Variants in FHIT observed in about 807,000 individuals in gnomAD.
FHIT encodes the protein fragile histidine triad diadenosine triphosphatase, also known as bis(5'-adenosyl)-triphosphatase.
Under a neutral mutation model 17.9 loss-of-function variants are expected in FHIT, and 19 were observed. The observed-to-expected ratio is 1.06, with a 90% CI of 0.74 to 1.56. FHIT has a LOEUF of 1.56. Ranked by LOEUF, FHIT falls within the 40% of genes most tolerant of loss-of-function variation. The pLI is 0.00. For synonymous variants in FHIT, 81 were observed against 69.7 expected, an observed-to-expected ratio of 1.16 and a Z score of -0.81; for missense variants, 248 against 189.2, an observed-to-expected ratio of 1.31 and a Z score of -1.82.
intron 4 of FHIT, among the ~76,000 whole-genome samples, chr3:60,667,181 C>T (rs956219046): frequency 6.6e-6 from 1 of 151,640 alleles, no homozygotes; most frequent in African/African-American, 2.4e-5. Context: ...GTCAGCTAAT[C>T]AAATACTCTT....
chr3:60,414,466 G>A (rs1292905664), intron 5 of FHIT, among the ~76,000 whole-genome samples: 1 of 152,204 alleles, frequency 6.6e-6, no homozygotes, highest in Non-Finnish European at 1.5e-5. Flanking sequence ...AGGACTTGGA[G>A]TGAGTCTAAT....
chr3:60,987,633 T>C (rs1026656409), intron 3 of FHIT, among the ~76,000 whole-genome samples: 1 of 152,212 alleles, frequency 6.6e-6, no homozygotes, highest in Non-Finnish European at 1.5e-5. Context: ...CACACCTCTA[T>C]ATTTCTGTGT....
chr3:60,586,795 A>T (rs530130248), intron 4 of FHIT, among the ~76,000 whole-genome samples: 8 of 152,108 alleles, frequency 5.3e-5, no homozygotes, highest in African/African-American at 1.9e-4. Context: ...TAAATGATGA[A>T]AACTCATGGA....
intron 2 of FHIT, among the ~76,000 whole-genome samples, chr3:61,045,223 C>G (rs746353592): frequency 3.9e-5 from 6 of 152,142 alleles, no homozygotes; most frequent in Non-Finnish European, 8.8e-5. Context: ...TCAGTGTGCT[C>G]TATTCAGGAG....
chr3:60,995,420 A>C (rs1207220622), intron 3 of FHIT, among the ~76,000 whole-genome samples: 1 of 152,170 alleles, frequency 6.6e-6, no homozygotes, highest in East Asian at 1.9e-4. Flanking sequence ...GTTAACGGGG[A>C]TCTCAGATGA....
At chr3:60,876,578 A>G (rs1387295059) in intron 3 of FHIT, among the ~76,000 whole-genome samples, 1 of 152,226 alleles carries the variant, frequency 6.6e-6, no homozygotes, top group Non-Finnish European at 1.5e-5. Context: ...AAGTTATTTT[A>G]AAATATTGAT....
intron 7 of FHIT, among the ~76,000 whole-genome samples, chr3:59,951,426 T>C (rs1707110868): frequency 6.6e-6 from 1 of 152,178 alleles, no homozygotes; most frequent in African/African-American, 2.4e-5. Flanking sequence ...AAAAAATAAG[T>C]TGGAGGTAAA....
chr3:60,924,674 G>T lies in FHIT; in HGVS notation c.-110-102663C>A, dbSNP rs562541973. On this transcript the variant is annotated intron_variant, in intron 3 of 9. Transcript: ENST00000492590. ...GCCTCTCCTCCTCGAAAGGAACGCA[G>T]CTCCTCACAAGCAACGGAACAAAGC... Among the ~76,000 whole-genome samples the T allele has an allele frequency of 5.3e-5, 8 of 152,338 alleles. No individual in the cohort carries two copies. In the South Asian group the frequency reaches 1.4e-3, roughly 28 times the overall value.
At chr3:61,163,992 G>A (rs2037766908) in intron 2 of FHIT, among the ~76,000 whole-genome samples, 2 of 152,158 alleles carry the variant, frequency 1.3e-5, no homozygotes, top group Admixed American at 1.3e-4. Context: ...CCATGGATCA[G>A]TGAACAAATT....
At chr3:60,139,922 G>T (rs772399529) in intron 5 of FHIT, among the ~76,000 whole-genome samples, 1 of 151,890 alleles carries the variant, frequency 6.6e-6, no homozygotes, top group Non-Finnish European at 1.5e-5. Context: ...AGGAGTTCAC[G>T]ACCAGCCTGG....
At chr3:60,333,100 A>T (rs1301430554) in intron 5 of FHIT, among the ~76,000 whole-genome samples, 1 of 152,212 alleles carries the variant, frequency 6.6e-6, no homozygotes, top group Non-Finnish European at 1.5e-5. Context: ...TTTACCAGCC[A>T]CGTGTATCTC....
At chr3:60,649,337 G>C (rs960600875) in intron 4 of FHIT, among the ~76,000 whole-genome samples, 1 of 152,180 alleles carries the variant, frequency 6.6e-6, no homozygotes, top group African/African-American at 2.4e-5. Context: ...GGGAGGCAGA[G>C]CTTGCAGCTA....
chr3:60,539,128 G>A (rs540921230), intron 4 of FHIT, among the ~76,000 whole-genome samples: 25 of 152,240 alleles, frequency 1.6e-4, no homozygotes, highest in East Asian at 1.3e-3. Context: ...ACAAGTGGGC[G>A]AAAGATATGA....
At chr3:60,430,633 G>A (rs1001092587) in intron 5 of FHIT, among the ~76,000 whole-genome samples, 3 of 151,856 alleles carry the variant, frequency 2.0e-5, no homozygotes, top group Non-Finnish European at 4.4e-5. Context: ...ACTCTTCACT[G>A]TATTTTTATA....
At chr3:60,721,642 A>G (rs1016729169) in intron 4 of FHIT, among the ~76,000 whole-genome samples, 1 of 152,174 alleles carries the variant, frequency 6.6e-6, no homozygotes, top group Non-Finnish European at 1.5e-5. Context: ...AAAAAGCATG[A>G]TTCATGAATA....
chr3:60,821,678 G>C (rs934677164), intron 4 of FHIT, among the ~76,000 whole-genome samples: 2 of 152,202 alleles, frequency 1.3e-5, no homozygotes, highest in African/African-American at 4.8e-5. Context: ...TCTTCAGAAA[G>C]TGAAGTCATC....
At chr3:60,160,080 T>G (rs888326842) in intron 5 of FHIT, among the ~76,000 whole-genome samples, 46 of 152,132 alleles carry the variant, frequency 3.0e-4, no homozygotes, top group African/African-American at 1.1e-3. Flanking sequence ...AAGTCTGTGC[T>G]GCATGACTCA....
At chr3:59,900,767 C>T (rs563019653) in intron 8 of FHIT, among the ~76,000 whole-genome samples, 73 of 152,250 alleles carry the variant, frequency 4.8e-4, no homozygotes, top group Non-Finnish European at 8.8e-4. Flanking sequence ...GCACCCACCA[C>T]CATGCTTGGC....
chr3:60,233,648 A>G (rs1225839854), intron 5 of FHIT, among the ~76,000 whole-genome samples: 1 of 152,060 alleles, frequency 6.6e-6, no homozygotes, highest in Non-Finnish European at 1.5e-5. Context: ...AAATAAGCTG[A>G]TATAGTTTGG....
Sources: allele counts gnomAD v4.1 joint callset (sites outside exome capture counted in the v4.1 genomes callset), GRCh38; gene constraint gnomAD v4.1.1; transcripts MANE v1.5; gene names NCBI Gene and HGNC (gene_info 2026-07-23, HGNC 2026-07-21).